GARRE1: variants seen among roughly 807,000 people sequenced by gnomAD.
GARRE1 encodes granule associated Rac and RHOG effector protein 1.
In GARRE1, 49 loss-of-function variants were observed where a neutral mutation model predicts 103.2. That is an observed-to-expected ratio of 0.47 (90% CI 0.38 to 0.60). The LOEUF (loss-of-function observed/expected upper bound fraction) is 0.60. Among genes scored for constraint, GARRE1 ranks in the 20% least tolerant of loss-of-function variants. The pLI, the probability that GARRE1 is intolerant of heterozygous loss-of-function variation, is 0.00. For synonymous variants in GARRE1, 505 were observed against 532.8 expected (o/e 0.95, Z 0.72); for missense variants, 1,199 against 1,370.5 (o/e 0.87, Z 1.98).
In GARRE1 at chr19:34,300,745, G is replaced by A; in HGVS notation, c.272G>A (p.Cys91Tyr). The change falls in exon 2 of 14, where the codon TGC becomes TAC. Residue 91 changes from cysteine to tyrosine, a missense_variant. Physicochemically the swap from Cys to Tyr is radical, Grantham distance 194. Transcript: ENST00000299505. The part of the protein sequence containing the change: ...SKYLDALNVF[C>Y]RASTFLTDLF... ...TATCTGGATGCCCTGAACGTCTTCT[G>A]CCGTGCCAGTACTTTCCTCACAGAT... is the stretch of plus-strand genomic sequence containing the variant. 1.2e-6 allele frequency: 2 copies of A among 1,614,198 alleles called. No homozygotes were observed. Among genetic ancestry groups the A allele is most frequent in the Non-Finnish European group, 1.7e-6 (2 of 1,180,036 alleles).
chr19:34,319,787 T>A, intron 2 of GARRE1, 120 bp from the exon 3 acceptor site: 1 of 850,486 alleles, frequency 1.2e-6, no homozygotes, highest in South Asian at 1.6e-5. Context: ...CTTTTAACTT[T>A]GTATGATTTT....
chr19:34,288,324 T>C (rs1203680099), intron 1 of GARRE1, among the ~76,000 whole-genome samples: 4 of 152,334 alleles, frequency 2.6e-5, no homozygotes, highest in African/African-American at 9.6e-5. Flanking sequence ...CTTTCCTCAA[T>C]TTCTCAAAGG....
At chr19:34,305,359 T>C (rs970820913) in intron 2 of GARRE1, among the ~76,000 whole-genome samples, 8 of 152,144 alleles carry the variant, frequency 5.3e-5, no homozygotes, top group African/African-American at 1.9e-4. Context: ...GATAGAGATA[T>C]GGCAAGACAA....
intron 2 of GARRE1, among the ~76,000 whole-genome samples, chr19:34,307,671 TTATATA>T (rs1357130438): frequency 2.0e-5 from 1 of 50,696 alleles, no homozygotes. Context: ...ACATATATAC[TTATATA>T]TACATATATA....
At chr19:34,310,347 A>G (rs951529412) in intron 2 of GARRE1, among the ~76,000 whole-genome samples, 3 of 152,162 alleles carry the variant, frequency 2.0e-5, no homozygotes, top group Non-Finnish European at 4.4e-5. Flanking sequence ...AGGCCAGCCC[A>G]TGTATGGGTT....
chr19:34,309,499 T>C (rs905771993), intron 2 of GARRE1, among the ~76,000 whole-genome samples: 3 of 152,296 alleles, frequency 2.0e-5, no homozygotes, highest in East Asian at 1.9e-4. Context: ...GAATTGAAAC[T>C]TTTAATTTTT....
At chr19:34,298,056 A>G (rs2073956464) in intron 1 of GARRE1, among the ~76,000 whole-genome samples, 1 of 152,168 alleles carries the variant, frequency 6.6e-6, no homozygotes, top group Non-Finnish European at 1.5e-5. Flanking sequence ...TATATATTCA[A>G]AAAAGGAAAA....
chr19:34,309,607 G>A (rs1024621049), intron 2 of GARRE1, among the ~76,000 whole-genome samples: 6 of 152,080 alleles, frequency 3.9e-5, no homozygotes, highest in Non-Finnish European at 8.8e-5. Flanking sequence ...CCCACAACAC[G>A]GGGATTATAG....
At chr19:34,296,385 C>A in intron 1 of GARRE1, 2 of 1,467,900 alleles carry the variant, frequency 1.4e-6, no homozygotes, top group South Asian at 2.3e-5. Context: ...GGCCTTTAGC[C>A]GGCACAGCCT....
chr19:34,280,171 T>A (rs1236704947), intron 1 of GARRE1, among the ~76,000 whole-genome samples: 1 of 151,672 alleles, frequency 6.6e-6, no homozygotes, highest in African/African-American at 2.4e-5. Flanking sequence ...AACAACCAGG[T>A]CTCATGAGAA....
At chr19:34,311,756 G>A (rs942104153) in intron 2 of GARRE1, among the ~76,000 whole-genome samples, 2 of 151,900 alleles carry the variant, frequency 1.3e-5, no homozygotes, top group Non-Finnish European at 2.9e-5. Flanking sequence ...GATTACAGGC[G>A]TGTGCCACCA....
chr19:34,326,723 A>G (rs746450941), intron 3 of GARRE1, among the ~76,000 whole-genome samples: 13 of 151,942 alleles, frequency 8.6e-5, no homozygotes, highest in Non-Finnish European at 1.8e-4. Context: ...CCAAGTACCA[A>G]TATTCTAGGT....
At chr19:34,293,750 CTTTTTTTTTTTTT>C (rs71165643) in intron 1 of GARRE1, among the ~76,000 whole-genome samples, 44 of 47,166 alleles carry the variant, frequency 9.3e-4, no homozygotes, top group African/African-American at 1.4e-3. Flanking sequence ...ACACATATTT[CTTTTTTTTTTTTT>C]TTTTTTTTTT....
intron 2 of GARRE1, among the ~76,000 whole-genome samples, chr19:34,313,823 C>T (rs1288804440): frequency 1.3e-5 from 2 of 152,026 alleles, no homozygotes; most frequent in South Asian, 2.1e-4. Flanking sequence ...TTTTTTGAAA[C>T]GGAGTCTCGC....
At chr19:34,320,226 T>C (rs2074080018) in intron 3 of GARRE1, 110 bp downstream of exon 3, 1 of 901,934 alleles carries the variant, frequency 1.1e-6, no homozygotes, top group African/African-American at 1.7e-5. Flanking sequence ...ATGTACATTT[T>C]AAACTGTTAT....
chr19:34,340,319 A>G (rs1222197220), intron 9 of GARRE1, among the ~76,000 whole-genome samples: 2 of 152,156 alleles, frequency 1.3e-5, no homozygotes, highest in African/African-American at 4.8e-5. Context: ...AATGTTTAGA[A>G]AATTTGCTTA....
chr19:34,292,028 T>G (rs546432933), intron 1 of GARRE1, among the ~76,000 whole-genome samples: 1 of 152,128 alleles, frequency 6.6e-6, no homozygotes, highest in African/African-American at 2.4e-5. Flanking sequence ...CTGGCTAATT[T>G]TTTTTGTATT....
intron 1 of GARRE1, among the ~76,000 whole-genome samples, chr19:34,263,074 A>G (rs2073728821): frequency 6.6e-6 from 1 of 152,034 alleles, no homozygotes; most frequent in Non-Finnish European, 1.5e-5. Flanking sequence ...TTAACTGGGC[A>G]TGGTGGCGGG....
At chr19:34,314,529 C>T (rs1322695771) in intron 2 of GARRE1, among the ~76,000 whole-genome samples, 1 of 152,188 alleles carries the variant, frequency 6.6e-6, no homozygotes, top group Non-Finnish European at 1.5e-5. Flanking sequence ...GTGCTTTGCC[C>T]ATGAAATATG....
Sources: gnomAD v4.1 joint callset for allele counts (sites outside exome capture counted in the v4.1 genomes callset) on GRCh38, gnomAD v4.1.1 for gene constraint, MANE v1.5 for transcripts, NCBI Gene and HGNC (gene_info 2026-07-23, HGNC 2026-07-21) for gene names.